The following NRXN1 variants were observed in gnomAD, a reference collection of about 807,000 sequenced individuals.
NRXN1 encodes neurexin 1, also known as neurexin-1.
A neutral mutation model predicts 150.9 loss-of-function variants in NRXN1; 39 were observed. The observed-to-expected ratio is 0.26, with a 90% CI of 0.20 to 0.34. The LOEUF (loss-of-function observed/expected upper bound fraction) is 0.34. NRXN1 is among the 10% of genes least tolerant of loss of function. NRXN1 has a pLI of 1.00. For synonymous variants in NRXN1, 924 were observed against 757.0 expected, an observed-to-expected ratio of 1.22 and a Z score of -3.62; for missense variants, 1,815 against 1,949.9, an observed-to-expected ratio of 0.93 and a Z score of 1.30.
chr2:50,322,321 T>A (rs1251798830), intron 17 of NRXN1, among the ~76,000 whole-genome samples: 1 of 152,142 alleles, frequency 6.6e-6, no homozygotes, highest in African/African-American at 2.4e-5. Flanking sequence ...GGAAGAGTGC[T>A]GTTGTGGGGT....
chr2:50,738,327 C>T (rs146629558), intron 5 of NRXN1, among the ~76,000 whole-genome samples: 71 of 152,296 alleles, frequency 4.7e-4, no homozygotes, highest in African/African-American at 1.3e-3. Flanking sequence ...CCACAGTTTG[C>T]TGGAAGTAGC....
intron 2 of NRXN1, among the ~76,000 whole-genome samples, chr2:50,957,037 T>C (rs1336707687): frequency 6.6e-6 from 1 of 152,108 alleles, no homozygotes; most frequent in African/African-American, 2.4e-5. Context: ...TGGGAGTATG[T>C]GGGGTTAGAA....
intron 22 of NRXN1, among the ~76,000 whole-genome samples, chr2:49,938,286 T>A (rs1321673660): frequency 2.6e-5 from 4 of 152,168 alleles, no homozygotes; most frequent in African/African-American, 9.7e-5. Flanking sequence ...CATAGTTTCA[T>A]AAAATAATGA....
At chr2:50,903,820 C>T (rs1184327428) in intron 5 of NRXN1, among the ~76,000 whole-genome samples, 3 of 152,158 alleles carry the variant, frequency 2.0e-5, no homozygotes, top group South Asian at 2.1e-4. Context: ...CTGTGATTTA[C>T]TCATTTGAAA....
At chr2:50,386,768 T>C (rs181534213) in intron 17 of NRXN1, among the ~76,000 whole-genome samples, 3 of 152,254 alleles carry the variant, frequency 2.0e-5, no homozygotes, top group African/African-American at 7.2e-5. Context: ...GTAGTGAGAA[T>C]ACTGGGCTAC....
chr2:50,515,713 G>A (rs2092611378), intron 12 of NRXN1, among the ~76,000 whole-genome samples: 1 of 151,074 alleles, frequency 6.6e-6, no homozygotes, highest in Non-Finnish European at 1.5e-5. Context: ...GTACTAACAA[G>A]TTTTATTTGG....
chr2:50,143,416 C>G (rs924854522), intron 18 of NRXN1, among the ~76,000 whole-genome samples: 1 of 151,788 alleles, frequency 6.6e-6, no homozygotes, highest in Non-Finnish European at 1.5e-5. Context: ...ATCATGCTAT[C>G]GAGGGAATTT....
intron 15 of NRXN1, among the ~76,000 whole-genome samples, chr2:50,474,470 G>T (rs1055046368): frequency 2.6e-5 from 4 of 151,560 alleles, no homozygotes; most frequent in African/African-American, 4.8e-5. Context: ...CTGAGCTCTG[G>T]TGAATCTCAA....
chr2:50,449,596 C>T (rs1052662099), intron 17 of NRXN1, among the ~76,000 whole-genome samples: 2 of 152,162 alleles, frequency 1.3e-5, no homozygotes, highest in Admixed American at 6.5e-5. Flanking sequence ...GCTGCTGATG[C>T]TCCTGGTCCT....
At chr2:50,502,242 G>C (rs530553557) in intron 13 of NRXN1, among the ~76,000 whole-genome samples, 1 of 151,778 alleles carries the variant, frequency 6.6e-6, no homozygotes, top group African/African-American at 2.4e-5. Context: ...AAGGAAGGAA[G>C]GAAGGAGGGA....
chr2:50,464,333 A>G (rs2088586924), intron 17 of NRXN1: 1 of 151,828 alleles, frequency 6.6e-6, no homozygotes, highest in African/African-American at 2.4e-5. Context: ...CGTTTTTCCA[A>G]TAGTCAATAT....
chr2:50,273,201 T>C (rs1481269437), intron 17 of NRXN1, among the ~76,000 whole-genome samples: 1 of 152,160 alleles, frequency 6.6e-6, no homozygotes, highest in African/African-American at 2.4e-5. Context: ...TTCAAATACA[T>C]TGGAGGAAAA....
rs111660955 is a variant in NRXN1 at position 50,168,526 on chromosome 2, G to A, written c.3546+68263C>T. ...ATTAGGAAGTATATTTACTAGAGAA[G>A]GAATAGAATTAACAGAACTTAGTTT... On this transcript the variant is annotated intron_variant, in intron 18 of 22. Coordinates refer to ENST00000401669, the MANE Select transcript of NRXN1 (RefSeq NM_001330078.2). 1.4e-4 allele frequency among the ~76,000 whole-genome samples: 22 copies of A among 152,218 alleles called. 1 individual carries two copies. Among genetic ancestry groups the A allele is most frequent in the African/African-American group, 5.3e-4 (22 of 41,536 alleles).
At chr2:50,839,800 G>A (rs547681015) in intron 5 of NRXN1, among the ~76,000 whole-genome samples, 35 of 152,086 alleles carry the variant, frequency 2.3e-4, no homozygotes, top group South Asian at 8.3e-4. Context: ...TAAATTAGAC[G>A]GTATATTGGA....
chr2:50,637,085 T>C (rs560751047), intron 5 of NRXN1, among the ~76,000 whole-genome samples: 3 of 152,280 alleles, frequency 2.0e-5, no homozygotes, highest in Non-Finnish European at 4.4e-5. Flanking sequence ...GTTGGTGCTA[T>C]ATGTCCAAGA....
chr2:50,453,940 C>G (rs111587423), intron 17 of NRXN1, among the ~76,000 whole-genome samples: 1 of 152,084 alleles, frequency 6.6e-6, no homozygotes, highest in Non-Finnish European at 1.5e-5. Flanking sequence ...TGATGATTCC[C>G]GTAGTATCAG....
chr2:50,947,101 G>A (rs866712429), intron 2 of NRXN1, among the ~76,000 whole-genome samples: 20 of 152,106 alleles, frequency 1.3e-4, no homozygotes, highest in African/African-American at 4.1e-4. Flanking sequence ...TTTGCAACCA[G>A]AAATTTCTTA....
At position 49,998,013 on chromosome 2, in the gene NRXN1, G is replaced by T. The variant is rs146287508; in HGVS notation, c.4129-54222C>A. Among the ~76,000 whole-genome samples, 10 of 152,284 alleles carry T rather than the reference G, an allele frequency of 6.6e-5. No individual in the cohort carries two copies. The East Asian group carries it at 1.2e-3, about 18-fold the overall frequency. ...GCTGCATTGCTTTTGCTAAAAGAGA[G>T]CCAGGTCAGCAGAGTGGGATGACCT... On this transcript the variant is annotated intron_variant, in intron 21 of 22. Transcript: ENST00000401669.
intron 5 of NRXN1, among the ~76,000 whole-genome samples, chr2:50,763,894 C>T (rs956332997): frequency 1.1e-4 from 16 of 151,876 alleles, no homozygotes; most frequent in Admixed American, 3.9e-4. Flanking sequence ...ACTGACTTAT[C>T]CCTCTTGGAA....
Sources: gnomAD v4.1 joint callset for allele counts (sites outside exome capture counted in the v4.1 genomes callset) on GRCh38, gnomAD v4.1.1 for gene constraint, MANE v1.5 for transcripts, NCBI Gene and HGNC (gene_info 2026-07-23, HGNC 2026-07-21) for gene names.